Variants in SETD3 observed in about 807,000 individuals in gnomAD.
SETD3 encodes the protein actin-histidine N-methyltransferase.
Under a neutral mutation model 63.0 loss-of-function variants are expected in SETD3, and 19 were observed. The observed-to-expected ratio is 0.30, with a 90% CI of 0.21 to 0.44. SETD3 has a LOEUF of 0.44. Ranked by LOEUF, SETD3 falls within the 20% of genes least tolerant of loss-of-function variation. SETD3 has a pLI of 1.00. For missense variants in SETD3, 587 were observed against 728.5 expected (o/e 0.81, Z 2.24); for synonymous variants, 286 against 264.1 (o/e 1.08, Z -0.80).
chr14:99,477,542 G>A (rs1407197646), intron 1 of SETD3, among the ~76,000 whole-genome samples: 1 of 151,950 alleles, frequency 6.6e-6, no homozygotes, highest in African/African-American at 2.4e-5. Flanking sequence ...ATCATCTCAG[G>A]TCGGGAGTTC....
At chr14:99,463,398 T>C in intron 3 of SETD3, 88 bp downstream of exon 3, 1 of 957,032 alleles carries the variant, frequency 1.0e-6, no homozygotes, top group Non-Finnish European at 1.6e-6. Context: ...CCAATGATGC[T>C]GAGACCTTTA....
intron 6 of SETD3, among the ~76,000 whole-genome samples, chr14:99,425,006 C>T (rs889485173): frequency 6.6e-6 from 1 of 151,974 alleles, no homozygotes; most frequent in South Asian, 2.1e-4. Flanking sequence ...GGGGAGGACA[C>T]GGGGCTTCGG....
chr14:99,480,156 G>A (rs1404148038), intron 1 of SETD3, among the ~76,000 whole-genome samples: 1 of 152,228 alleles, frequency 6.6e-6, no homozygotes. Flanking sequence ...GGAGGAGGCG[G>A]GGGCTGGTCC....
At chr14:99,439,722 G>A (rs1046913142) in intron 6 of SETD3, among the ~76,000 whole-genome samples, 6 of 146,144 alleles carry the variant, frequency 4.1e-5, no homozygotes, top group Non-Finnish European at 9.0e-5. Flanking sequence ...ATAAATATAT[G>A]TATTTATATT....
At chr14:99,410,001 A>AT (rs930742698) in intron 8 of SETD3, 1 of 461,392 alleles carries the variant, frequency 2.2e-6, no homozygotes, top group Non-Finnish European at 3.9e-6. Flanking sequence ...ACCAACAATA[A>AT]TTTTTTAAAA....
chr14:99,474,442 A>C (rs1895863655), intron 1 of SETD3, among the ~76,000 whole-genome samples: 1 of 152,272 alleles, frequency 6.6e-6, no homozygotes, highest in South Asian at 2.1e-4. Flanking sequence ...CTCAGTAACT[A>C]CTTAAGTACC....
upstream of SETD3, among the ~76,000 whole-genome samples, chr14:99,481,794 A>G (rs1896334350): frequency 6.6e-6 from 1 of 152,208 alleles, no homozygotes; most frequent in Non-Finnish European, 1.5e-5. Context: ...CAGCGGTGTT[A>G]ACCGCGCACA....
chr14:99,450,569 G>C (rs577278494), intron 6 of SETD3, among the ~76,000 whole-genome samples: 1 of 152,280 alleles, frequency 6.6e-6, no homozygotes, highest in South Asian at 2.1e-4. Flanking sequence ...TTGCCTGTTC[G>C]AGGAAGATGG....
intron 6 of SETD3, among the ~76,000 whole-genome samples, chr14:99,416,588 A>C (rs975360663): frequency 5.3e-5 from 8 of 152,288 alleles, no homozygotes; most frequent in African/African-American, 1.9e-4. Context: ...ATGGGTGAGG[A>C]GGGTCCCTGA....
chr14:99,480,412 C>T (rs1896228999), intron 1 of SETD3, among the ~76,000 whole-genome samples: 1 of 151,748 alleles, frequency 6.6e-6, no homozygotes, highest in Non-Finnish European at 1.5e-5. Context: ...CCGGGTGGCG[C>T]GGGGCCCGGG....
chr14:99,438,972 A>C (rs1045068747), intron 6 of SETD3, among the ~76,000 whole-genome samples: 1 of 152,254 alleles, frequency 6.6e-6, no homozygotes, highest in Non-Finnish European at 1.5e-5. Context: ...ATTTATATTC[A>C]TGATAGCTCA....
intron 7 of SETD3, among the ~76,000 whole-genome samples, chr14:99,413,448 A>T (rs1171128960): frequency 1.3e-5 from 2 of 152,132 alleles, no homozygotes; most frequent in Non-Finnish European, 2.9e-5. Context: ...GCAAACCATA[A>T]AACTCCTTTC....
intron 6 of SETD3, among the ~76,000 whole-genome samples, chr14:99,443,347 G>A (rs184363550): frequency 2.6e-4 from 39 of 150,522 alleles, no homozygotes; most frequent in African/African-American, 9.1e-4. Context: ...CGCCTCCTGG[G>A]TTCAAGCGAT....
upstream of SETD3, among the ~76,000 whole-genome samples, chr14:99,483,049 A>T (rs1896393557): frequency 6.6e-6 from 1 of 152,228 alleles, no homozygotes; most frequent in South Asian, 2.1e-4. Flanking sequence ...TTATTCTTAG[A>T]TTTTGAAAAA....
At chr14:99,452,945 G>A (rs1022158943) in intron 6 of SETD3, among the ~76,000 whole-genome samples, 7 of 152,314 alleles carry the variant, frequency 4.6e-5, no homozygotes, top group South Asian at 2.1e-4. Context: ...TAAAAATTGC[G>A]AATGAGGTTC....
In SETD3 at chr14:99,405,436, G is replaced by A; in HGVS notation, c.925-65C>T. On this transcript the variant is annotated intron_variant, in intron 9 of 12. Coordinates refer to ENST00000331768, the MANE Select transcript of SETD3 (RefSeq NM_032233.3). ...AACTTGGCATGTATTCTTAACACAG[G>A]GCAGGGCAGAGGCTTAGTGCTACTT... The A allele has an allele frequency of 5.9e-6, 9 of 1,532,538 alleles. No homozygotes were observed. In the South Asian group the frequency reaches 1.1e-4, roughly 19 times the overall value. The allele number at this position is 1,532,538 out of a possible 1,614,324, so 94.9% of individuals were successfully genotyped here. A position where few individuals can be genotyped will look rare whatever the true frequency, so the allele number is the denominator to read the frequency against.
intron 4 of SETD3, 27 bp downstream of exon 4, chr14:99,461,165 C>A: frequency 6.2e-7 from 1 of 1,613,058 alleles, no homozygotes; most frequent in Non-Finnish European, 8.5e-7. Context: ...ACATAGACCC[C>A]TTGAGACCAA....
At chr14:99,418,138 T>C (rs566346391) in intron 6 of SETD3, among the ~76,000 whole-genome samples, 1 of 152,318 alleles carries the variant, frequency 6.6e-6, no homozygotes, top group South Asian at 2.1e-4. Flanking sequence ...CCTGCCATAA[T>C]GCAAAATTAT....
chr14:99,459,624 G>C (rs929221414), intron 4 of SETD3, among the ~76,000 whole-genome samples: 1 of 152,196 alleles, frequency 6.6e-6, no homozygotes, highest in African/African-American at 2.4e-5. Flanking sequence ...TTTGAAGCCA[G>C]AGTAACATTC....
Sources: gnomAD v4.1 joint callset for allele counts (sites outside exome capture counted in the v4.1 genomes callset) on GRCh38, gnomAD v4.1.1 for gene constraint, MANE v1.5 for transcripts, NCBI Gene and HGNC (gene_info 2026-07-23, HGNC 2026-07-21) for gene names.